Variants in BID observed in about 807,000 individuals in gnomAD.
BID encodes the protein BH3-interacting domain death agonist.
In BID, 19 loss-of-function variants were observed where a neutral mutation model predicts 17.4. The observed-to-expected ratio is 1.09, with a 90% CI of 0.76 to 1.60. BID has a LOEUF of 1.60. BID is among the 40% of genes most tolerant of loss of function. The pLI is 0.00. For missense variants in BID, 226 were observed against 256.0 expected (o/e 0.88, Z 0.80); for synonymous variants, 108 against 102.8 (o/e 1.05, Z -0.31).
chr22:17,743,958 C>T lies in BID; in HGVS notation c.68G>A (p.Gly23Asp). ...GTTGTCAGAACAGCTTTGGAGGAAG[C>T]CAAACACCAGTAGGTTTGTGATGCA... is the stretch of plus-strand genomic sequence containing the variant. ...DECITNLLVF[G>D]FLQSCSDNSF... The change falls in exon 3 of 6, where the codon GGC becomes GAC. Residue 23 changes from glycine (G) to aspartate (D), a missense_variant. Physicochemically the swap from Gly to Asp is moderately conservative, Grantham distance 94 (BLOSUM62 -1). Transcript: ENST00000622694. The T allele has an allele frequency of 6.2e-7, 1 of 1,613,994 alleles. No homozygotes were observed. The highest frequency in any genetic ancestry group is 1.1e-5 in the South Asian group (1 of 91,086).
At position 17,754,398 on chromosome 22, in the gene BID, C is replaced by T. The variant is rs565715196; in HGVS notation, c.-58-4224G>A. ...CGCTTCTGCCCTGGTTTCGGAGACA[C>T]GACTGAGGCTCCAGGGTGCCCAGGG... On this transcript the variant is annotated intron_variant, in intron 1 of 5. Coordinates refer to ENST00000622694, the MANE Select transcript of BID (RefSeq NM_001196.4). 5.2e-5 allele frequency among the ~76,000 whole-genome samples: 8 copies of T among 152,396 alleles called. No homozygotes were observed. In the South Asian group the frequency reaches 1.2e-3, roughly 24 times the overall value.
rs560995322 is a variant in BID, at chr22:17,769,633, T to C, written c.-59+4748A>G. On this transcript the variant is annotated intron_variant, in intron 1 of 5. Transcript: ENST00000622694. The surrounding 1 kb of genome is among the most constrained non-coding windows in gnomAD (Gnocchi z 4.8). The stretch of plus-strand genomic sequence containing the variant: ...GCTGGAAGGATCCTGGGGACAGTTG[T>C]TAAGGCAATTTTATCTTCTCATAGC... Among the ~76,000 whole-genome samples the C allele has an allele frequency of 5.3e-5, 8 of 152,276 alleles. No homozygotes were observed. The South Asian group carries it at 1.4e-3, about 28-fold the overall frequency.
rs1601888553 is a variant in BID at position 17,772,529 on chromosome 22, C to T, written c.-59+1852G>A. On this transcript the variant is annotated intron_variant, in intron 1 of 5. Transcript: ENST00000622694. ...GGTCCCCTGAAAAAACGGGCACAGTCCTCGGTCACGTCGAGGACCTGCTCA... is the reference window on the plus strand; with the variant it reads ...GGTCCCCTGAAAAAACGGGCACAGTTCTCGGTCACGTCGAGGACCTGCTCA... 3.3e-5 allele frequency among the ~76,000 whole-genome samples: 5 copies of T among 152,332 alleles called. 1 individual carries two copies. Among genetic ancestry groups the T allele is most frequent in the Admixed American group, 3.3e-4 (5 of 15,306 alleles).
At chr22:17,743,740 C>T in intron 3 of BID, 63 bp downstream of exon 3, 1 of 1,520,014 alleles carries the variant, frequency 6.6e-7, no homozygotes, top group Admixed American at 2.0e-5. Context: ...CCTGAGGCTC[C>T]CTGAATGTTA....
chr22:17,735,254 T>G lies in BID; in HGVS notation c.*326A>C. 1 of 280,754 alleles carries G rather than the reference T, an allele frequency of 3.6e-6. No individual in the cohort carries two copies. The highest frequency in any genetic ancestry group is 6.6e-6 in the Non-Finnish European group (1 of 150,808). 17.4% of individuals were successfully genotyped at this position (280,754 alleles called of 1,614,324 possible). A position where few individuals can be genotyped will look rare whatever the true frequency, so the allele number is the denominator to read the frequency against. On this transcript the variant is annotated 3_prime_UTR_variant, in exon 6 of 6. Coordinates refer to ENST00000622694, the MANE Select transcript of BID (RefSeq NM_001196.4). ...TTGTTTCTACTTCCTTGAAACCTGC[T>G]TTCCAATTTAATTTTTAAGTGGGAA...
intron 1 of BID, among the ~76,000 whole-genome samples, chr22:17,751,664 C>T (rs1418233273): frequency 6.6e-6 from 1 of 152,222 alleles, no homozygotes; most frequent in East Asian, 1.9e-4. Flanking sequence ...CATCACCCAC[C>T]TCCCCACCTG....
chr22:17,739,642 G>T, intron 3 of BID, 154 bp from the exon 4 acceptor site: 1 of 1,051,036 alleles, frequency 9.5e-7, no homozygotes, highest in Non-Finnish European at 1.4e-6. Flanking sequence ...GGGCCACAGC[G>T]GGCGGGCTGA....
chr22:17,739,558 AC>A, intron 3 of BID, 70 bp from the exon 4 acceptor site: 1 of 1,543,516 alleles, frequency 6.5e-7, no homozygotes, highest in Admixed American at 1.8e-5. Context: ...CTCCCACACC[AC>A]CCTGCCCCGG....
At chr22:17,748,368 C>A (rs1264563418) in intron 2 of BID, among the ~76,000 whole-genome samples, 1 of 150,434 alleles carries the variant, frequency 6.6e-6, no homozygotes, top group Non-Finnish European at 1.5e-5. Flanking sequence ...ATGAGCCGGG[C>A]GTGGTGGCGG....
intron 1 of BID, among the ~76,000 whole-genome samples, chr22:17,752,964 C>CTTTT (rs34597946): frequency 2.0e-4 from 17 of 85,186 alleles, no homozygotes; most frequent in African/African-American, 7.6e-4. Flanking sequence ...CGCGCCCAGT[C>CTTTT]TTTTTTTTTT....
In BID at chr22:17,749,989, G is replaced by A. The variant is rs1435377446; in HGVS notation, c.12+116C>T. 6 of 1,037,946 alleles carry A rather than the reference G, an allele frequency of 5.8e-6. No individual in the cohort carries two copies. In the African/African-American group the frequency reaches 6.3e-5, roughly 11 times the overall value. The allele number at this position is 1,037,946 out of a possible 1,614,324, so 64.3% of individuals were successfully genotyped here. A position where few individuals can be genotyped will look rare whatever the true frequency, so the allele number is the denominator to read the frequency against. ...CGGGGTTCGTCTGTGCCGAGCTGTG[G>A]TAAGGGCCAGGCGGGCTCAGCCTCA... On this transcript the variant is annotated intron_variant, in intron 2 of 5. Transcript: ENST00000622694.
At chr22:17,771,195 G>T (rs1301901313) in intron 1 of BID, among the ~76,000 whole-genome samples, 1 of 152,188 alleles carries the variant, frequency 6.6e-6, no homozygotes, top group Non-Finnish European at 1.5e-5. Flanking sequence ...CACCTCCCGG[G>T]TTCACACCAT....
intron 1 of BID, among the ~76,000 whole-genome samples, chr22:17,760,494 CCAGAG>C (rs1036542990): frequency 4.7e-5 from 7 of 150,276 alleles, no homozygotes; most frequent in Non-Finnish European, 3.0e-5. Context: ...TATCCATCTA[CCAGAG>C]CAGAGCCTAC....
At chr22:17,737,558 G>C (rs181387) in intron 5 of BID, among the ~76,000 whole-genome samples, 131,896 of 152,270 alleles carry the variant, frequency 0.87, 57,473 homozygotes, top group African/African-American at 0.97. Context: ...GTTGGCCAGG[G>C]TGGTCTGGAA....
At chr22:17,750,075 A>C (rs2061525490) in intron 2 of BID, 30 bp downstream of exon 2, 1 of 1,608,236 alleles carries the variant, frequency 6.2e-7, no homozygotes, top group East Asian at 2.2e-5. Context: ...CGCCCCCCAC[A>C]AGGCACCCGC....
intron 1 of BID, among the ~76,000 whole-genome samples, chr22:17,768,091 A>G (rs1335527447): frequency 6.6e-6 from 1 of 152,248 alleles, no homozygotes; most frequent in East Asian, 1.9e-4. Context: ...CTCCATAGAC[A>G]GAAAGATTAG....
chr22:17,743,722 C>T (rs1225333815), intron 3 of BID, 81 bp downstream of exon 3: 5 of 1,444,880 alleles, frequency 3.5e-6, no homozygotes. Flanking sequence ...CCGGGGGTCC[C>T]TTCCAGCCCT....
intron 1 of BID, among the ~76,000 whole-genome samples, chr22:17,756,476 T>TTTTC (rs56273043): frequency 1.9e-5 from 2 of 103,690 alleles, no homozygotes; most frequent in African/African-American, 7.1e-5. Context: ...TCTTTCTTTC[T>TTTTC]TTTCTTTCTT....
intron 1 of BID, among the ~76,000 whole-genome samples, chr22:17,755,471 C>T (rs1601860359): frequency 6.6e-6 from 1 of 152,014 alleles, no homozygotes; most frequent in Non-Finnish European, 1.5e-5. Flanking sequence ...GAATTCCTGA[C>T]ACTTCACTTT....
Sources: gnomAD v4.1 joint callset for allele counts (sites outside exome capture counted in the v4.1 genomes callset) on GRCh38, gnomAD v4.1.1 for gene constraint, Gnocchi (gnomAD v3.1) non-coding constraint, MANE v1.5 for transcripts, NCBI Gene and HGNC (gene_info 2026-07-23, HGNC 2026-07-21) for gene names.